The following RMP24 variants were observed in gnomAD, a reference collection of about 807,000 sequenced individuals.
RMP24 encodes ribonuclease MRP protein subunit p24.
the RMP24 span, among the ~76,000 whole-genome samples, chr18:35,978,559 T>A: frequency 6.6e-6 from 1 of 152,008 alleles, no homozygotes; most frequent in Non-Finnish European, 1.5e-5. Context: ...TGCAGTGAGC[T>A]GAGATGGCGC....
chr18:35,977,235 T>A, the RMP24 span, among the ~76,000 whole-genome samples: 5 of 151,472 alleles, frequency 3.3e-5, no homozygotes, highest in Non-Finnish European at 5.9e-5. Context: ...AAAAAAAAAA[T>A]GTCTTGTCTG....
chr18:35,973,276 C>T, the RMP24 span: 9 of 358,964 alleles, frequency 2.5e-5, no homozygotes, highest in East Asian at 4.4e-4. Context: ...TAGGCACACT[C>T]GCTTCCTTGG....
the RMP24 span, chr18:35,974,793 C>A: frequency 9.4e-7 from 1 of 1,063,856 alleles, no homozygotes; most frequent in Admixed American, 2.4e-5. Context: ...TAATGTGTAT[C>A]TGCTTATATT....
chr18:35,978,953 A>G, the RMP24 span: 24 of 1,612,228 alleles, frequency 1.5e-5, no homozygotes, highest in Non-Finnish European at 1.9e-5. Flanking sequence ...AAAGATTCCA[A>G]AGGTGGACTT....
the RMP24 span, chr18:35,977,466 C>T: frequency 5.6e-6 from 9 of 1,614,032 alleles, no homozygotes; most frequent in Admixed American, 1.2e-4. Flanking sequence ...AAAGTAGAAG[C>T]TTTGTGTCAA....
At chr18:35,977,487 C>G in the RMP24 span, 1 of 1,614,088 alleles carries the variant, frequency 6.2e-7, no homozygotes, top group African/African-American at 1.3e-5. Flanking sequence ...CATTGAAGAG[C>G]AATCCTGCCA....
chr18:35,978,476 C>T, the RMP24 span, among the ~76,000 whole-genome samples: 4 of 152,106 alleles, frequency 2.6e-5, no homozygotes, highest in Admixed American at 6.5e-5. Context: ...CCAGGCGTAG[C>T]GGCGTGCGCC....
chr18:35,977,629 G>C, the RMP24 span: 1 of 1,592,768 alleles, frequency 6.3e-7, no homozygotes, highest in East Asian at 2.2e-5. Context: ...TTTTTGAATT[G>C]CCAGTGTTAA....
At chr18:35,979,105 C>T in the RMP24 span, 4 of 1,201,982 alleles carry the variant, frequency 3.3e-6, no homozygotes, top group Non-Finnish European at 4.6e-6. Context: ...TGAATGCAAA[C>T]TTTTCTTGGC....
chr18:35,972,813 G>A, the RMP24 span: 3 of 1,614,206 alleles, frequency 1.9e-6, no homozygotes, highest in Non-Finnish European at 2.5e-6. Flanking sequence ...CCTGTAAGAG[G>A]ACTGGAGGGG....
the RMP24 span, among the ~76,000 whole-genome samples, chr18:35,976,252 C>G: frequency 6.7e-6 from 1 of 149,104 alleles, no homozygotes; most frequent in African/African-American, 2.5e-5. Context: ...TGGGTTCACG[C>G]CATTCTCCTG....
the RMP24 span, chr18:35,973,020 A>G: frequency 5.8e-6 from 8 of 1,387,046 alleles, no homozygotes; most frequent in Non-Finnish European, 6.1e-6. Context: ...AAAAACAACA[A>G]CAACAAAGCC....
chr18:35,978,724 A>G, the RMP24 span: 2 of 952,788 alleles, frequency 2.1e-6, no homozygotes, highest in Non-Finnish European at 3.0e-6. Context: ...GGGATTTGTC[A>G]AATGATAATA....
At chr18:35,977,064 A>T in the RMP24 span, among the ~76,000 whole-genome samples, 8 of 152,194 alleles carry the variant, frequency 5.3e-5, no homozygotes, top group African/African-American at 1.9e-4. Context: ...CCTGCCTACT[A>T]AAAATACAGA....
the RMP24 span, among the ~76,000 whole-genome samples, chr18:35,974,612 T>C: frequency 6.6e-6 from 1 of 152,222 alleles, no homozygotes; most frequent in South Asian, 2.1e-4. Context: ...TAGCAAGTAA[T>C]GAGAAGTGGC....
At chr18:35,972,741 C>T in the RMP24 span, 46 of 1,612,064 alleles carry the variant, frequency 2.9e-5, no homozygotes, top group Non-Finnish European at 3.9e-5. Flanking sequence ...GAGACAGAAG[C>T]ACTACCTTGA....
At chr18:35,977,546 AC>A in the RMP24 span, 2 of 1,614,170 alleles carry the variant, frequency 1.2e-6, no homozygotes, top group South Asian at 1.1e-5. Flanking sequence ...AGGACTGCAA[AC>A]CCAAATCATG....
At chr18:35,973,919 C>T in the RMP24 span, 4 of 152,732 alleles carry the variant, frequency 2.6e-5, no homozygotes, top group South Asian at 6.2e-4. Context: ...TTGCTACTAC[C>T]CTGCTCCAGG....
At chr18:35,975,161 T>G in the RMP24 span, 1 of 1,358,280 alleles carries the variant, frequency 7.4e-7, no homozygotes, top group Non-Finnish European at 1.0e-6. Flanking sequence ...TAAAATCAGT[T>G]TAAGAATCAG....
Sources: gnomAD v4.1 joint callset for allele counts (sites outside exome capture counted in the v4.1 genomes callset) on GRCh38, gnomAD v4.1.1 for gene constraint, MANE v1.5 for transcripts, NCBI Gene and HGNC (gene_info 2026-07-23, HGNC 2026-07-21) for gene names.